The following AMOT variants were observed in gnomAD, a reference collection of about 807,000 sequenced individuals.
The protein encoded by AMOT is angiomotin.
Under a neutral mutation model 67.0 loss-of-function variants are expected in AMOT, and 11 were observed. The ratio of observed to expected loss-of-function variants is 0.16; its 90% CI spans 0.10 to 0.27. The LOEUF is 0.27. AMOT is among the 10% of genes least tolerant of loss of function. The pLI is 1.00. For synonymous variants in AMOT, 326 were observed against 321.4 expected (o/e 1.01, Z -0.15); for missense variants, 753 against 852.0 (o/e 0.88, Z 1.45).
At position 112,835,450 on chromosome X, in the gene AMOT, A is replaced by C. The variant is rs1488451159; in HGVS notation, c.-288-3080T>G. ...CATTTTCTCCAGGATCATATATTAC[A>C]AAAAAAAAAAAGTTCCTGTTCCTCA... On this transcript the variant is annotated intron_variant, in intron 1 of 13. Coordinates refer to ENST00000371959, the MANE Select transcript of AMOT (RefSeq NM_001113490.2). Among the ~76,000 whole-genome samples the C allele has an allele frequency of 3.8e-5, 4 of 105,359 alleles. No individual in the cohort carries two copies. The East Asian group carries it at 8.8e-4, about 23-fold the overall frequency. The allele number at this position is 105,359 out of a possible 115,157, so 91.5% of individuals were successfully genotyped here. A position where few individuals can be genotyped will look rare whatever the true frequency, so the allele number is the denominator to read the frequency against.
At chrX:112,788,911 T>C (rs1396884502) in intron 10 of AMOT, among the ~76,000 whole-genome samples, 1 of 112,390 alleles carries the variant, frequency 8.9e-6, no homozygotes, top group Non-Finnish European at 1.9e-5. Context: ...GCCAACAGAT[T>C]CTGAAAATCC....
chrX:112,781,420 A>G (rs1038784140), intron 11 of AMOT, among the ~76,000 whole-genome samples: 1 of 95,661 alleles, frequency 1.0e-5, no homozygotes, highest in Non-Finnish European at 2.0e-5. Context: ...AGCCTGGGTG[A>G]CAGAGCAAGA....
rs781213661 is a variant in AMOT, at chrX:112,779,373, C to T, written c.2781G>A (p.Pro927=). ...AAAAPAAAAA[P]SPATAAATAA... ...CAGTAGCAGCGGCAGTGGCTGGAGACGGGGCAGCAGCAGCAGCTGGAGCAG... is the reference window on the plus strand; with the variant it reads ...CAGTAGCAGCGGCAGTGGCTGGAGATGGGGCAGCAGCAGCAGCTGGAGCAG... The change falls in exon 13 of 14, where the codon CCG becomes CCA. Residue 927 remains proline (P), a synonymous_variant. Coordinates refer to ENST00000371959, the MANE Select transcript of AMOT (RefSeq NM_001113490.2). The T allele has an allele frequency of 2.1e-5, 21 of 1,004,078 alleles. No individual in the cohort carries two copies. Among genetic ancestry groups the T allele is most frequent in the Admixed American group, 2.6e-5 (1 of 38,272 alleles). 82.7% of individuals were successfully genotyped at this position (1,004,078 alleles called of 1,213,427 possible).
At chrX:112,832,751 G>C (rs1220226906) in intron 1 of AMOT, among the ~76,000 whole-genome samples, 1 of 112,031 alleles carries the variant, frequency 8.9e-6, no homozygotes, top group Non-Finnish European at 1.9e-5. Flanking sequence ...TAACATAATT[G>C]AGAGCTCCCT....
Position 112,822,320 on chromosome X carries a change from G to A in AMOT, c.807C>T (p.Asn269=). The A allele has an allele frequency of 3.5e-6, 4 of 1,134,566 alleles. No homozygotes were observed. Among genetic ancestry groups the A allele is most frequent in the Non-Finnish European group, 4.7e-6 (4 of 855,366 alleles). 93.5% of individuals were successfully genotyped at this position (1,134,566 alleles called of 1,213,427 possible). A position where few individuals can be genotyped will look rare whatever the true frequency, so the allele number is the denominator to read the frequency against. ...PGHFYSEHRL[N]QPGRTEGQLM... is the part of the protein sequence containing the mutation. ...GTTGCCCCTCTGTTCTCCCTGGCTG[G>A]TTCAGGCGATGCTCACTATAGAAGT... is the stretch of plus-strand genomic sequence containing the variant. The change falls in exon 4 of 14, where the codon AAC becomes AAT. Residue 269 remains asparagine, a synonymous_variant. Transcript: ENST00000371959.
At chrX:112,798,592 A>G (rs1933912469) in intron 8 of AMOT, among the ~76,000 whole-genome samples, 3 of 112,301 alleles carry the variant, frequency 2.7e-5, no homozygotes, top group African/African-American at 6.5e-5. Context: ...TGAACAGTTA[A>G]TATTAAATAA....
chrX:112,825,890 A>G (rs1054378712), intron 2 of AMOT, among the ~76,000 whole-genome samples: 2 of 109,205 alleles, frequency 1.8e-5, no homozygotes, highest in African/African-American at 6.7e-5. Context: ...TCAATGGTCC[A>G]TCCATTCTTG....
In AMOT at chrX:112,806,326, T is replaced by TTATACATATGTATATATACATATGTATA. The variant is rs775438639; in HGVS notation, c.1631-1262_1631-1235dup. Reference sequence around the variant, plus strand: ...GCTTGTGTGCTTACACACACACGTTTTATACATATGTATATATACATATGT... The same window carrying TTATACATATGTATATATACATATGTATA: ...GCTTGTGTGCTTACACACACACGTTTTATACATATGTATATATACATATGTATATATACATATGTATATATACATATGT... On this transcript the variant is annotated intron_variant, in intron 7 of 13. Transcript: ENST00000371959. Among the ~76,000 whole-genome samples the TTATACATATGTATATATACATATGTATA allele has an allele frequency of 2.5e-3, 255 of 100,619 alleles. 2 individuals are homozygous for TTATACATATGTATATATACATATGTATA. Among genetic ancestry groups the TTATACATATGTATATATACATATGTATA allele is most frequent in the African/African-American group, 9.2e-3 (246 of 26,738 alleles). 87.4% of individuals were successfully genotyped at this position (100,619 alleles called of 115,157 possible).
At chrX:112,827,650 A>AG (rs1206048814) in intron 2 of AMOT, among the ~76,000 whole-genome samples, 21 of 111,999 alleles carry the variant, frequency 1.9e-4, no homozygotes, top group African/African-American at 6.8e-4. Context: ...ACAACAGGGA[A>AG]GCAAGGCCAA....
chrX:112,816,133 C>T (rs941978461), intron 4 of AMOT, among the ~76,000 whole-genome samples: 4 of 111,833 alleles, frequency 3.6e-5, no homozygotes, highest in African/African-American at 1.3e-4. Flanking sequence ...CAGAACCAGA[C>T]AACTTCCATG....
intron 2 of AMOT, among the ~76,000 whole-genome samples, chrX:112,828,015 A>C (rs929437805): frequency 1.6e-4 from 18 of 111,374 alleles, no homozygotes; most frequent in Middle Eastern, 4.6e-3. Context: ...CCCTGTACCT[A>C]TGTGTATGTA....
chrX:112,838,753 G>A (rs1240582760), intron 1 of AMOT, among the ~76,000 whole-genome samples: 2 of 112,427 alleles, frequency 1.8e-5, no homozygotes, highest in African/African-American at 6.5e-5. Flanking sequence ...TACAATTGTG[G>A]TCAGAGGTTT....
At chrX:112,810,992 C>T (rs183392351) in intron 6 of AMOT, among the ~76,000 whole-genome samples, 1 of 111,953 alleles carries the variant, frequency 8.9e-6, no homozygotes, top group East Asian at 2.8e-4. Flanking sequence ...GGAGTCCCAG[C>T]AGGGATCCTG....
intron 1 of AMOT, among the ~76,000 whole-genome samples, chrX:112,834,537 TG>T (rs1935086093): frequency 8.9e-6 from 1 of 111,929 alleles, no homozygotes; most frequent in Non-Finnish European, 1.9e-5. Flanking sequence ...TTATATTTCA[TG>T]TTATCTTAAT....
intron 1 of AMOT, among the ~76,000 whole-genome samples, chrX:112,836,000 T>A (rs774363444): frequency 7.1e-5 from 8 of 112,336 alleles, no homozygotes; most frequent in African/African-American, 2.3e-4. Context: ...CCATTATGTG[T>A]GGGCCATTCT....
chrX:112,808,621 AT>A (rs1934263189), intron 7 of AMOT, among the ~76,000 whole-genome samples: 1 of 112,024 alleles, frequency 8.9e-6, no homozygotes, highest in South Asian at 3.7e-4. Flanking sequence ...AAGTTACCAC[AT>A]TTTATAAACC....
chrX:112,836,266 T>C (rs1042562211), intron 1 of AMOT, among the ~76,000 whole-genome samples: 1 of 111,599 alleles, frequency 9.0e-6, no homozygotes, highest in Non-Finnish European at 1.9e-5. Context: ...AGTTTTGTTG[T>C]TGTTGTTGTT....
chrX:112,813,161 C>T (rs1004640735), intron 5 of AMOT, among the ~76,000 whole-genome samples: 3 of 112,413 alleles, frequency 2.7e-5, no homozygotes, highest in African/African-American at 3.2e-5. Flanking sequence ...TAGTCCCTTT[C>T]CTCAAGGTGT....
At chrX:112,830,290 A>G (rs1934955587) in intron 2 of AMOT, among the ~76,000 whole-genome samples, 1 of 112,165 alleles carries the variant, frequency 8.9e-6, no homozygotes, top group Non-Finnish European at 1.9e-5. Flanking sequence ...ATGTTGTGGC[A>G]TAACTTCATA....
Sources: allele counts gnomAD v4.1 joint callset (sites outside exome capture counted in the v4.1 genomes callset), GRCh38; gene constraint gnomAD v4.1.1; transcripts MANE v1.5; gene names NCBI Gene and HGNC (gene_info 2026-07-23, HGNC 2026-07-21).